Variants in RAD51C observed in about 807,000 individuals in gnomAD.
RAD51C encodes the protein DNA repair protein RAD51 homolog 3.
In RAD51C, 42 loss-of-function variants were observed where a neutral mutation model predicts 45.0. That is an observed-to-expected ratio of 0.93 (90% CI 0.73 to 1.21). The LOEUF is 1.21. Among genes scored for constraint, RAD51C ranks in the 50% most tolerant of loss-of-function variants. The pLI, the probability that RAD51C is intolerant of heterozygous loss-of-function variation, is 0.00. For missense variants in RAD51C, 474 were observed against 452.2 expected, an observed-to-expected ratio of 1.05 and a Z score of -0.44; for synonymous variants, 172 against 159.8, an observed-to-expected ratio of 1.08 and a Z score of -0.58.
rs1432215356 is a variant in RAD51C at position 58,732,630 on chromosome 17, CT to C, written c.1026+88del. ...AGAATTTACAACTTGCTTCTGTCAA[CT>C]TCTGTAGGCAGCAAGCATATTTGAG... On this transcript the variant is annotated intron_variant, in intron 8 of 8. Transcript: ENST00000337432. The C allele has an allele frequency of 3.1e-6, 4 of 1,282,834 alleles. No individual in the cohort carries two copies. In the Admixed American group the frequency reaches 5.1e-5, roughly 16 times the overall value. 79.5% of individuals were successfully genotyped at this position (1,282,834 alleles called of 1,614,324 possible). A position where few individuals can be genotyped will look rare whatever the true frequency, so the allele number is the denominator to read the frequency against.
intron 5 of RAD51C, among the ~76,000 whole-genome samples, chr17:58,714,909 CCA>C (rs1204788960): frequency 3.9e-5 from 6 of 152,028 alleles, no homozygotes. Flanking sequence ...TTCAGTGTAT[CCA>C]CAGAGTTTTG....
At position 58,734,909 on chromosome 17, in the gene RAD51C, T is replaced by C. The variant is rs1406542199; in HGVS notation, c.*687T>C. On this transcript the variant is annotated 3_prime_UTR_variant, in exon 9 of 9. Coordinates refer to ENST00000337432, the MANE Select transcript of RAD51C (RefSeq NM_058216.3). ...TGTGCCCAGCCATGTTCTTTTTAAA[T>C]GTAAATTTGATAATTCTTTAAAATT... 1 of 152,258 alleles carries C rather than the reference T, an allele frequency of 6.6e-6. No individual in the cohort carries two copies. Among genetic ancestry groups the C allele is most frequent in the Non-Finnish European group, 1.5e-5 (1 of 68,184 alleles). 9.4% of individuals were successfully genotyped at this position (152,258 alleles called of 1,614,324 possible).
chr17:58,713,951 T>G (rs967745762), intron 5 of RAD51C, among the ~76,000 whole-genome samples: 3 of 152,048 alleles, frequency 2.0e-5, no homozygotes, highest in African/African-American at 7.2e-5. Flanking sequence ...GTAGCGTAGT[T>G]TTTTTAACCA....
intron 5 of RAD51C, among the ~76,000 whole-genome samples, chr17:58,720,340 C>G (rs1052127870): frequency 6.6e-6 from 1 of 150,884 alleles, no homozygotes; most frequent in Admixed American, 6.6e-5. Flanking sequence ...GGTGTGAACC[C>G]AGGAGGCAGA....
Position 58,703,347 on chromosome 17 carries a change from G to T in RAD51C, c.705+18G>T. ...ACTCAAAGGTATGAGTCAGACTACT[G>T]AAATGTAACTAACCAAGTATTTTTT... is the stretch of plus-strand genomic sequence containing the variant. On this transcript the variant is annotated intron_variant, in intron 4 of 8. Transcript: ENST00000337432. The T allele has an allele frequency of 6.2e-7, 1 of 1,604,780 alleles. No individual in the cohort carries two copies.
chr17:58,719,274 A>G (rs910805236), intron 5 of RAD51C, among the ~76,000 whole-genome samples: 1 of 152,048 alleles, frequency 6.6e-6, no homozygotes, highest in Non-Finnish European at 1.5e-5. Context: ...GTACGGTGAC[A>G]GAATCATGGC....
intron 5 of RAD51C, among the ~76,000 whole-genome samples, chr17:58,719,623 T>C (rs2048846882): frequency 6.6e-6 from 1 of 152,096 alleles, no homozygotes; most frequent in African/African-American, 2.4e-5. Context: ...AAGGACCACC[T>C]GGGCAACATA....
chr17:58,725,272 G>A (rs2049077328), intron 7 of RAD51C, among the ~76,000 whole-genome samples: 1 of 152,020 alleles, frequency 6.6e-6, no homozygotes. Context: ...TTGTAAGTAA[G>A]TTGCTGTATA....
chr17:58,734,276 G>T lies in RAD51C; in HGVS notation c.*54G>T. ...TTTATTGATGTTGTGAAATCAATGT[G>T]TACAAGTGGACTTGTTACCTTAAAG... On this transcript the variant is annotated 3_prime_UTR_variant, in exon 9 of 9. Coordinates refer to ENST00000337432, the MANE Select transcript of RAD51C (RefSeq NM_058216.3). The T allele has an allele frequency of 6.3e-7, 1 of 1,575,738 alleles. No homozygotes were observed. Among genetic ancestry groups the T allele is most frequent in the East Asian group, 2.3e-5 (1 of 43,304 alleles).
At position 58,714,748 on chromosome 17, in the gene RAD51C, C is replaced by T. The variant is rs189338365; in HGVS notation, c.837+4758C>T. On this transcript the variant is annotated intron_variant, in intron 5 of 8. Transcript: ENST00000337432. ...CTGGGATTATACGCGTGAGCCACCA[C>T]GCCCAGCTAGGTACCAGTCTTTTAA... Among the ~76,000 whole-genome samples, 480 of 152,282 alleles carry T rather than the reference C, an allele frequency of 3.2e-3. 1 individual carries two copies. The highest frequency in any genetic ancestry group is 5.2e-3 in the Non-Finnish European group (354 of 68,012).
chr17:58,722,018 C>T (rs913749039), intron 6 of RAD51C, among the ~76,000 whole-genome samples: 4 of 152,038 alleles, frequency 2.6e-5, no homozygotes, highest in African/African-American at 9.7e-5. Context: ...TGTTTGGATC[C>T]ACTCAGGGGT....
At position 58,698,383 on chromosome 17, in the gene RAD51C, A is replaced by G. The variant is rs568224921; in HGVS notation, c.571+1524A>G. ...GTATTTTTAGTAGAGACAGGGTTTC[A>G]CTATGTTAGCCAGGATGGTCTCGAT... On this transcript the variant is annotated intron_variant, in intron 3 of 8. Coordinates refer to ENST00000337432, the MANE Select transcript of RAD51C (RefSeq NM_058216.3). 5.5e-4 allele frequency among the ~76,000 whole-genome samples: 83 copies of G among 151,284 alleles called. 1 individual carries two copies. Among genetic ancestry groups the G allele is most frequent in the Non-Finnish European group, 9.9e-4 (67 of 67,798 alleles).
rs2048943732 is a variant in RAD51C, at chr17:58,722,272, T to A, written c.904+1460T>A. ...TATTATGCTTAAGTTGTGATAATTCTGATGCCCTCCTTGGTTTACTAGCAG... is the reference window on the plus strand; with the variant it reads ...TATTATGCTTAAGTTGTGATAATTCAGATGCCCTCCTTGGTTTACTAGCAG... On this transcript the variant is annotated intron_variant, in intron 6 of 8. Coordinates refer to ENST00000337432, the MANE Select transcript of RAD51C (RefSeq NM_058216.3). Among the ~76,000 whole-genome samples the A allele has an allele frequency of 5.3e-5, 8 of 152,352 alleles. No individual in the cohort carries two copies. In the South Asian group the frequency reaches 1.7e-3, roughly 32 times the overall value.
intron 7 of RAD51C, among the ~76,000 whole-genome samples, chr17:58,728,277 G>GC (rs2049254069): frequency 6.6e-6 from 1 of 150,976 alleles, no homozygotes; most frequent in South Asian, 2.1e-4. Flanking sequence ...AATTTTGTAT[G>GC]CTTTATGCTT....
intron 4 of RAD51C, chr17:58,706,598 CT>C: frequency 2.3e-6 from 1 of 426,530 alleles, no homozygotes; most frequent in Non-Finnish European, 4.8e-6. Flanking sequence ...GCATTGCCCC[CT>C]GGGCTTATGG....
chr17:58,720,436 A>T (rs1402753556), intron 5 of RAD51C, among the ~76,000 whole-genome samples: 1 of 151,866 alleles, frequency 6.6e-6, no homozygotes. Flanking sequence ...ATAAAATAAA[A>T]AATAAAATCA....
At chr17:58,707,272 A>G (rs1405711242) in intron 4 of RAD51C, among the ~76,000 whole-genome samples, 1 of 152,152 alleles carries the variant, frequency 6.6e-6, no homozygotes, top group Non-Finnish European at 1.5e-5. Flanking sequence ...TAATCCCAGC[A>G]CTTTGGGAGG....
At chr17:58,708,634 T>C (rs73329064) in intron 4 of RAD51C, among the ~76,000 whole-genome samples, 1,633 of 152,220 alleles carry the variant, frequency 0.011, 17 homozygotes, top group African/African-American at 0.037. Context: ...CAGATTCTTT[T>C]TGATTTGGGG....
chr17:58,692,962 T>G, intron 1 of RAD51C, 174 bp downstream of exon 1: 3 of 899,332 alleles, frequency 3.3e-6, no homozygotes, highest in Non-Finnish European at 5.1e-6. Flanking sequence ...TCTGAATGGT[T>G]AGGAGAACTG....
Sources: gnomAD v4.1 joint callset for allele counts (sites outside exome capture counted in the v4.1 genomes callset) on GRCh38, gnomAD v4.1.1 for gene constraint, MANE v1.5 for transcripts, NCBI Gene and HGNC (gene_info 2026-07-23, HGNC 2026-07-21) for gene names.